The following GALK2 variants were observed in gnomAD, a reference collection of about 807,000 sequenced individuals.
GALK2 encodes galactokinase 2.
A neutral mutation model predicts 52.4 loss-of-function variants in GALK2; 36 were observed. That is an observed-to-expected ratio of 0.69 (90% confidence interval 0.53 to 0.91). The LOEUF is 0.91. Among genes scored for constraint, GALK2 ranks in the 40% least tolerant of loss-of-function variants. GALK2 has a pLI of 0.00. For synonymous variants in GALK2, 176 were observed against 199.1 expected (o/e 0.88, Z 0.98); for missense variants, 579 against 559.1 (o/e 1.04, Z -0.36).
At chr15:49,360,860 C>A (rs80079494) in intron 3 of GALK2, among the ~76,000 whole-genome samples, 1 of 152,120 alleles carries the variant, frequency 6.6e-6, no homozygotes, top group Non-Finnish European at 1.5e-5. Flanking sequence ...GACATAAGCA[C>A]TCCTGTGATG....
rs531437969 is a variant in GALK2 at position 49,212,316 on chromosome 15, C to T, written c.143-4874C>T. ...CCCTGTTGGCCAGGCTGGTCTTGAACGCCTGGCCTTGTGATCTGCCCACCT... is the reference window on the plus strand; with the variant it reads ...CCCTGTTGGCCAGGCTGGTCTTGAATGCCTGGCCTTGTGATCTGCCCACCT... On this transcript the variant is annotated intron_variant, in intron 2 of 9. Coordinates refer to ENST00000560031, the MANE Select transcript of GALK2 (RefSeq NM_002044.4). Among the ~76,000 whole-genome samples the T allele has an allele frequency of 1.8e-3, 273 of 149,778 alleles. 6 individuals carry two copies. The South Asian group carries it at 0.028, about 15-fold the overall frequency.
chr15:49,268,861 C>T (rs1329304758), intron 5 of GALK2, among the ~76,000 whole-genome samples: 2 of 152,154 alleles, frequency 1.3e-5, no homozygotes, highest in Non-Finnish European at 2.9e-5. Context: ...GAAATTACTT[C>T]CCTCTCCTTT....
chr15:49,352,840 T>C (rs1436534398), intron 3 of GALK2, among the ~76,000 whole-genome samples: 2 of 152,162 alleles, frequency 1.3e-5, no homozygotes, highest in Non-Finnish European at 2.9e-5. Context: ...AAAAATCACC[T>C]ACCTCAGTCC....
At chr15:49,277,850 A>C (rs2141733216) in intron 5 of GALK2, among the ~76,000 whole-genome samples, 1 of 152,286 alleles carries the variant, frequency 6.6e-6, no homozygotes, top group South Asian at 2.1e-4. Context: ...TACTGGGGTG[A>C]AGAGGTAGGG....
chr15:49,308,885 C>A (rs1326705521), intron 8 of GALK2, among the ~76,000 whole-genome samples: 1 of 152,176 alleles, frequency 6.6e-6, no homozygotes, highest in Non-Finnish European at 1.5e-5. Flanking sequence ...ATGGCAGCAG[C>A]CATAGTTTTG....
intron 5 of GALK2, among the ~76,000 whole-genome samples, chr15:49,245,025 CAG>C (rs1185269016): frequency 4.6e-5 from 7 of 151,938 alleles, no homozygotes; most frequent in African/African-American, 1.7e-4. Flanking sequence ...AAGTTTGTAA[CAG>C]AAATGAAATC....
chr15:49,228,348 A>G (rs2090256608), intron 3 of GALK2, among the ~76,000 whole-genome samples: 1 of 152,024 alleles, frequency 6.6e-6, no homozygotes. Context: ...TTGAACACCA[A>G]AAATTCAAAT....
At chr15:49,189,093 G>A (rs72727243) in intron 1 of GALK2, among the ~76,000 whole-genome samples, 5,438 of 152,198 alleles carry the variant, frequency 0.036, 173 homozygotes, top group East Asian at 0.15. Context: ...TTATAGATCA[G>A]ATAAATAATT....
intron 8 of GALK2, among the ~76,000 whole-genome samples, chr15:49,300,967 ATGTTTAAC>A (rs2035065437): frequency 6.6e-6 from 1 of 152,124 alleles, no homozygotes; most frequent in African/African-American, 2.4e-5. Flanking sequence ...TTTTGTTTCC[ATGTTTAAC>A]ACTTCCTTAA....
At position 49,289,271 on chromosome 15, in the gene GALK2, G is replaced by A. The variant is rs150053109; in HGVS notation, c.757-3056G>A. ...TCACTGTGAGCAGATGCACATGAAT[G>A]AAGGAAATGAAGAAAAGGTGTTGAG... On this transcript the variant is annotated intron_variant, in intron 7 of 9. Transcript: ENST00000560031. Among the ~76,000 whole-genome samples, 188 of 152,280 alleles carry A rather than the reference G, an allele frequency of 1.2e-3. 1 individual carries two copies. Among genetic ancestry groups the A allele is most frequent in the Non-Finnish European group, 2.1e-3 (146 of 68,018 alleles).
intron 7 of GALK2, among the ~76,000 whole-genome samples, chr15:49,290,697 TC>T (rs1458615634): frequency 6.6e-6 from 1 of 152,242 alleles, no homozygotes; most frequent in East Asian, 1.9e-4. Context: ...GTGATGTTTT[TC>T]TTTTTTTGTT....
At position 49,303,502 on chromosome 15, in the gene GALK2, C is replaced by T. The variant is rs945184435; in HGVS notation, c.967+10965C>T. ...GCTTCTGAGGCCAGCAGAGAAGTAA[C>T]AATGTGCATGAACTGCCGTGGCACC... On this transcript the variant is annotated intron_variant, in intron 8 of 9. Transcript: ENST00000560031. Among the ~76,000 whole-genome samples the T allele has an allele frequency of 2.0e-5, 3 of 152,196 alleles. 1 individual carries two copies. The highest frequency in any genetic ancestry group is 4.4e-5 in the Non-Finnish European group (3 of 68,022).
intron 1 of GALK2, among the ~76,000 whole-genome samples, chr15:49,158,377 A>G (rs1433090939): frequency 6.6e-6 from 1 of 152,234 alleles, no homozygotes; most frequent in East Asian, 1.9e-4. Flanking sequence ...TGAACAAACT[A>G]CCTAGTTTAT....
chr15:49,328,391 T>C lies in GALK2; in HGVS notation c.*232T>C. ...AGAGCCAAGATCATGCTTGGACAGATCTTTTAAGAATAACTTACTGAGATT... is the reference window on the plus strand; with the variant it reads ...AGAGCCAAGATCATGCTTGGACAGACCTTTTAAGAATAACTTACTGAGATT... On this transcript the variant is annotated 3_prime_UTR_variant, in exon 10 of 10. Transcript: ENST00000560031. 1 of 1,430,314 alleles carries C rather than the reference T, an allele frequency of 7.0e-7. No homozygotes were observed. The highest frequency in any genetic ancestry group is 9.1e-7 in the Non-Finnish European group (1 of 1,095,792). 88.6% of individuals were successfully genotyped at this position (1,430,314 alleles called of 1,614,324 possible).
chr15:49,178,513 A>G, intron 1 of GALK2: 1 of 284,536 alleles, frequency 3.5e-6, no homozygotes. Flanking sequence ...CTGCACCCTT[A>G]GGAACTGGGC....
chr15:49,261,141 T>C (rs1264921357), intron 5 of GALK2, among the ~76,000 whole-genome samples: 3 of 150,156 alleles, frequency 2.0e-5, no homozygotes, highest in African/African-American at 7.4e-5. Flanking sequence ...GCATTGAATC[T>C]ATAAATTACC....
intron 2 of GALK2, among the ~76,000 whole-genome samples, chr15:49,201,580 A>C (rs1407666400): frequency 6.6e-6 from 1 of 152,158 alleles, no homozygotes; most frequent in Non-Finnish European, 1.5e-5. Context: ...ATATTTACTC[A>C]CTGGGTTAGA....
At chr15:49,197,276 A>G (rs767677535) in intron 1 of GALK2, among the ~76,000 whole-genome samples, 2 of 152,234 alleles carry the variant, frequency 1.3e-5, no homozygotes, top group Non-Finnish European at 2.9e-5. Context: ...AGTATTCAGC[A>G]TAATACATTC....
intron 5 of GALK2, among the ~76,000 whole-genome samples, chr15:49,239,822 C>A (rs956386104): frequency 6.6e-6 from 1 of 152,196 alleles, no homozygotes; most frequent in Non-Finnish European, 1.5e-5. Context: ...TATTGCATTA[C>A]AAGACGAAAT....
Sources: allele counts gnomAD v4.1 joint callset (sites outside exome capture counted in the v4.1 genomes callset), GRCh38; gene constraint gnomAD v4.1.1; transcripts MANE v1.5; gene names NCBI Gene and HGNC (gene_info 2026-07-23, HGNC 2026-07-21).